Variants in STAT2 observed in about 807,000 individuals in gnomAD.
STAT2 encodes the protein interferon alpha induced transcriptional activator.
In STAT2, 51 loss-of-function variants were observed where a neutral mutation model predicts 122.3. The observed-to-expected ratio is 0.42, with a 90% confidence interval of 0.33 to 0.53. The LOEUF (loss-of-function observed/expected upper bound fraction) is 0.53, where lower values mean the gene tolerates loss of function less well. STAT2 is among the 20% of genes least tolerant of loss of function. STAT2 has a pLI of 0.10. For missense variants in STAT2, 736 were observed against 1,010.3 expected, an observed-to-expected ratio of 0.73 and a Z score of 3.68; for synonymous variants, 351 against 394.9, an observed-to-expected ratio of 0.89 and a Z score of 1.32.
At position 56,344,071 on chromosome 12, in the gene STAT2, G is replaced by A; in HGVS notation, c.2167C>T (p.Leu723=). 1 of 1,602,876 alleles carries A rather than the reference G, an allele frequency of 6.2e-7. No homozygotes were observed. Among genetic ancestry groups the A allele is most frequent in the Non-Finnish European group, 8.5e-7 (1 of 1,173,860 alleles). Reference sequence around the variant, plus strand: ...GGCTCTGGCACCAGCCCTAGTTCCAGCTCTAATGACTCCAGCTCTGGCTCT... The same window carrying A: ...GGCTCTGGCACCAGCCCTAGTTCCAACTCTAATGACTCCAGCTCTGGCTCT... ...KPEPELESLE[L]ELGLVPEPEL... is the part of the protein sequence containing the mutation. Residue 723 remains leucine (L), a synonymous_variant, in exon 23 of 24, where the codon CTG becomes TTG. Transcript: ENST00000314128.
intron 14 of STAT2, 28 bp downstream of exon 14, chr12:56,349,560 CT>C (rs749253849): frequency 9.3e-6 from 15 of 1,614,184 alleles, no homozygotes; most frequent in Non-Finnish European, 1.3e-5. Flanking sequence ...CAAGCTCCCC[CT>C]GCCTCGAGTC....
intron 22 of STAT2, among the ~76,000 whole-genome samples, chr12:56,345,172 CAAAAAAAAAAA>C (rs35648397): frequency 3.7e-5 from 1 of 27,150 alleles, no homozygotes; most frequent in African/African-American, 1.7e-4. Flanking sequence ...GAGACTGTCT[CAAAAAAAAAAA>C]AAAAAAAAAA....
At chr12:56,348,717 T>C in intron 18 of STAT2, 35 bp downstream of exon 18, 5 of 1,614,108 alleles carry the variant, frequency 3.1e-6, no homozygotes, top group Non-Finnish European at 4.2e-6. Context: ...GAATGTGGGC[T>C]AGATCCAGCA....
In STAT2 at chr12:56,343,269, T is replaced by A. The variant is rs1023083805; in HGVS notation, c.*120A>T. The A allele has an allele frequency of 3.5e-6, 5 of 1,418,868 alleles. No homozygotes were observed. The African/African-American group carries it at 7.1e-5, about 20-fold the overall frequency. 87.9% of individuals were successfully genotyped at this position (1,418,868 alleles called of 1,614,324 possible). A position where few individuals can be genotyped will look rare whatever the true frequency, so the allele number is the denominator to read the frequency against. ...CCAATGGAGTCACACAGGCCTGAGT[T>A]TGAACAGTTAACACAGCTTGGAAGG... On this transcript the variant is annotated 3_prime_UTR_variant, in exon 24 of 24. Transcript: ENST00000314128.
intron 3 of STAT2, 67 bp from the exon 4 acceptor site, chr12:56,355,870 C>T (rs2136089059): frequency 6.7e-7 from 1 of 1,493,872 alleles, no homozygotes; most frequent in Non-Finnish European, 9.3e-7. Context: ...GCCCTAGACC[C>T]TCCCCACCAA....
At chr12:56,349,959 G>T (rs1878184679) in intron 13 of STAT2, 138 bp downstream of exon 13, 5 of 762,452 alleles carry the variant, frequency 6.6e-6, no homozygotes, top group Non-Finnish European at 1.1e-5. Context: ...TGAGACAGAA[G>T]AATTGCTTGA....
At chr12:56,349,972 C>T (rs1592475326) in intron 13 of STAT2, 125 bp downstream of exon 13, 1 of 828,534 alleles carries the variant, frequency 1.2e-6, no homozygotes, top group Admixed American at 2.2e-5. Context: ...TTGCTTGAAC[C>T]CGGGAGGCGG....
chr12:56,360,079 G>T lies in STAT2; in HGVS notation c.-29C>A. The T allele has an allele frequency of 1.0e-6, 1 of 984,674 alleles. No homozygotes were observed. The highest frequency in any genetic ancestry group is 1.2e-6 in the Non-Finnish European group (1 of 829,882). The allele number at this position is 984,674 out of a possible 1,614,324, so 61.0% of individuals were successfully genotyped here. ...GTACCTGATTAGGGTTGCAGTCCCCGCGCCCTCCAATGGCTCTGGTCGCGA... is the reference window on the plus strand; with the variant it reads ...GTACCTGATTAGGGTTGCAGTCCCCTCGCCCTCCAATGGCTCTGGTCGCGA... On this transcript the variant is annotated 5_prime_UTR_variant, in exon 1 of 24. Transcript: ENST00000314128.
At position 56,350,022 on chromosome 12, in the gene STAT2, C is replaced by T. The variant is rs1878199863; in HGVS notation, c.1209+75G>A. 24 of 1,376,890 alleles carry T rather than the reference C, an allele frequency of 1.7e-5. 1 individual carries two copies. In the South Asian group the frequency reaches 2.9e-4, roughly 16 times the overall value. The allele number at this position is 1,376,890 out of a possible 1,614,324, so 85.3% of individuals were successfully genotyped here. ...CAAGATGGCACCACTGCACTCCAGC[C>T]TGGGGGACAGAGTGAGACTCCGTCT... On this transcript the variant is annotated intron_variant, in intron 13 of 23. Coordinates refer to ENST00000314128, the MANE Select transcript of STAT2 (RefSeq NM_005419.4).
At chr12:56,357,710 CTT>C (rs940388949) in intron 1 of STAT2, among the ~76,000 whole-genome samples, 54 of 130,072 alleles carry the variant, frequency 4.2e-4, no homozygotes, top group Admixed American at 5.5e-4. Context: ...AATTTTCTTT[CTT>C]TTTTTTTTTT....
intron 22 of STAT2, 75 bp downstream of exon 22, chr12:56,346,049 GTGCTCCACCCAGGAGAAGGTAA>G: frequency 1.2e-6 from 2 of 1,604,542 alleles, no homozygotes; most frequent in Admixed American, 3.4e-5. Context: ...CATCATCCTG[GTGCTCCACCCAGGAGAAGGTAA>G]TGCCCCCTTT....
chr12:56,345,791 A>G (rs529292104), intron 22 of STAT2, among the ~76,000 whole-genome samples: 5 of 151,564 alleles, frequency 3.3e-5, no homozygotes, highest in Non-Finnish European at 7.4e-5. Context: ...CTGTCTGGAA[A>G]AAAAAAAAGC....
chr12:56,354,454 G>A lies in STAT2; in HGVS notation c.782+12C>T. 1 of 1,614,026 alleles carries A rather than the reference G, an allele frequency of 6.2e-7. No individual in the cohort carries two copies. The highest frequency in any genetic ancestry group is 8.5e-7 in the Non-Finnish European group (1 of 1,180,010). Reference sequence around the variant, plus strand: ...GCATGGCGAGGACGAGGGTTGGGGTGGTACCTCTCACCATGTCTCCAGCTG... The same window carrying A: ...GCATGGCGAGGACGAGGGTTGGGGTAGTACCTCTCACCATGTCTCCAGCTG... On this transcript the variant is annotated intron_variant, in intron 8 of 23. Coordinates refer to ENST00000314128, the MANE Select transcript of STAT2 (RefSeq NM_005419.4).
At chr12:56,355,168 G>T in intron 6 of STAT2, 108 bp downstream of exon 6, 1 of 1,281,568 alleles carries the variant, frequency 7.8e-7, no homozygotes, top group Middle Eastern at 2.5e-4. Flanking sequence ...AGTCAGTGGG[G>T]TGTGTCTGAC....
rs374890525 is a variant in STAT2, at chr12:56,348,636, T to C, written c.1630-13A>G. On this transcript the variant is annotated splice_polypyrimidine_tract_variant and intron_variant, in intron 18 of 23. Transcript: ENST00000314128. ...GAGGGCTCTCTCGCTGGAGGAGGAATGGAAAGGTAGCAAAAGCTGAGGAGT... is the reference window on the plus strand; with the variant it reads ...GAGGGCTCTCTCGCTGGAGGAGGAACGGAAAGGTAGCAAAAGCTGAGGAGT... 1.5e-5 allele frequency: 24 copies of C among 1,613,794 alleles called. No homozygotes were observed. In the African/African-American group the frequency reaches 2.5e-4, roughly 17 times the overall value.
chr12:56,345,172 CAAAA>C (rs35648397), intron 22 of STAT2, among the ~76,000 whole-genome samples: 1 of 27,148 alleles, frequency 3.7e-5, no homozygotes, highest in East Asian at 1.4e-3. Context: ...GAGACTGTCT[CAAAA>C]AAAAAAAAAA....
chr12:56,348,855 G>A (rs375065641), intron 17 of STAT2, 51 bp from the exon 18 acceptor site: 4 of 1,614,114 alleles, frequency 2.5e-6, no homozygotes, highest in Non-Finnish European at 3.4e-6. Flanking sequence ...AGGGGTCCTG[G>A]GATAGATAGG....
intron 7 of STAT2, 57 bp from the exon 8 acceptor site, chr12:56,354,671 A>C (rs1879238602): frequency 1.2e-6 from 2 of 1,612,708 alleles, no homozygotes; most frequent in African/African-American, 2.7e-5. Context: ...TCCACCACCC[A>C]ACTGGGGATG....
intron 23 of STAT2, 83 bp from the exon 24 acceptor site, chr12:56,343,614 G>A (rs1420033076): frequency 1.9e-5 from 29 of 1,558,920 alleles, no homozygotes; most frequent in Middle Eastern, 1.9e-4. Flanking sequence ...GAGGATGGCA[G>A]GAAAGGCCTG....
Sources: allele counts gnomAD v4.1 joint callset (sites outside exome capture counted in the v4.1 genomes callset), GRCh38; gene constraint gnomAD v4.1.1; transcripts MANE v1.5; gene names NCBI Gene and HGNC (gene_info 2026-07-23, HGNC 2026-07-21).